KHDRBS2: variants seen among roughly 807,000 people sequenced by gnomAD.
KHDRBS2 encodes KH RNA binding domain containing, signal transduction associated 2.
A neutral mutation model predicts 44.3 loss-of-function variants in KHDRBS2; 26 were observed. That is an observed-to-expected ratio of 0.59 (90% CI 0.43 to 0.81). KHDRBS2 has a LOEUF of 0.81. KHDRBS2 is among the 40% of genes least tolerant of loss of function. The probability of loss-of-function intolerance (pLI) is 0.00; values close to 1 mark genes in which losing one functional copy is unlikely to be tolerated. For synonymous variants in KHDRBS2, 194 were observed against 151.1 expected (o/e 1.28, Z -2.08); for missense variants, 476 against 433.1 (o/e 1.10, Z -0.88).
intron 4 of KHDRBS2, among the ~76,000 whole-genome samples, chr6:61,967,932 G>GTATATATATATATATATA (rs369326330): frequency 8.5e-6 from 1 of 117,014 alleles, no homozygotes; most frequent in African/African-American, 3.4e-5. Flanking sequence ...ATACACACAC[G>GTATATATATATATATATA]TATATATATA....
chr6:62,228,681 T>C (rs943289783), intron 1 of KHDRBS2, among the ~76,000 whole-genome samples: 1 of 152,152 alleles, frequency 6.6e-6, no homozygotes, highest in Admixed American at 6.5e-5. Context: ...TGCTATAAAT[T>C]TCCCTCCTAA....
the KHDRBS2 span, among the ~76,000 whole-genome samples, chr6:61,555,478 C>A: frequency 2.0e-5 from 3 of 152,086 alleles, no homozygotes; most frequent in South Asian, 2.1e-4. Context: ...GATCTTCATT[C>A]CTTTCTATCT....
At chr6:61,823,590 A>G (rs1790357187) in intron 6 of KHDRBS2, among the ~76,000 whole-genome samples, 1 of 152,086 alleles carries the variant, frequency 6.6e-6, no homozygotes, top group Non-Finnish European at 1.5e-5. Flanking sequence ...ACTCATTATA[A>G]CAAATCAGTT....
intron 5 of KHDRBS2, among the ~76,000 whole-genome samples, chr6:61,900,501 A>G (rs906837512): frequency 6.6e-6 from 1 of 152,180 alleles, no homozygotes; most frequent in Non-Finnish European, 1.5e-5. Context: ...TTTCAAACCA[A>G]TGCCTTCTAT....
chr6:61,576,143 G>A, the KHDRBS2 span, among the ~76,000 whole-genome samples: 1 of 151,748 alleles, frequency 6.6e-6, no homozygotes, highest in Non-Finnish European at 1.5e-5. Context: ...ATTTTGATAG[G>A]GATTGCATTG....
chr6:62,154,920 T>C (rs1816031695), intron 2 of KHDRBS2, among the ~76,000 whole-genome samples: 1 of 152,198 alleles, frequency 6.6e-6, no homozygotes, highest in African/African-American at 2.4e-5. Flanking sequence ...AAAATTGTCA[T>C]GAAGACTGAA....
At chr6:61,869,442 A>C (rs548731075) in intron 6 of KHDRBS2, among the ~76,000 whole-genome samples, 1 of 152,324 alleles carries the variant, frequency 6.6e-6, no homozygotes, top group South Asian at 2.1e-4. Flanking sequence ...AAAAACTGAG[A>C]GACTTACTAT....
At chr6:61,966,177 TAATG>T (rs1460724591) in intron 4 of KHDRBS2, among the ~76,000 whole-genome samples, 5 of 152,014 alleles carry the variant, frequency 3.3e-5, no homozygotes, top group Non-Finnish European at 7.4e-5. Flanking sequence ...CACTGAAAGG[TAATG>T]AATTACAGTT....
intron 2 of KHDRBS2, among the ~76,000 whole-genome samples, chr6:62,066,042 T>C (rs9294767): frequency 0.51 from 77,050 of 151,444 alleles, 20,012 homozygotes; most frequent in Non-Finnish European, 0.55. Context: ...CTTAAATGTA[T>C]TCAAAGACAC....
chr6:61,552,894 G>A, the KHDRBS2 span, among the ~76,000 whole-genome samples: 1 of 152,034 alleles, frequency 6.6e-6, no homozygotes. Context: ...GCTCAATTTG[G>A]TTTGCTAATA....
At chr6:62,073,964 G>A (rs1795828801) in intron 2 of KHDRBS2, among the ~76,000 whole-genome samples, 1 of 151,768 alleles carries the variant, frequency 6.6e-6, no homozygotes, top group South Asian at 2.1e-4. Flanking sequence ...CACCAGAACT[G>A]AGTGGGGATC....
chr6:61,920,703 C>T (rs1349264502), intron 4 of KHDRBS2, among the ~76,000 whole-genome samples: 1 of 152,014 alleles, frequency 6.6e-6, no homozygotes, highest in South Asian at 2.1e-4. Context: ...AGAAGCTATT[C>T]TTGACTGAGT....
At chr6:62,052,308 C>T (rs187013420) in intron 2 of KHDRBS2, among the ~76,000 whole-genome samples, 77 of 151,770 alleles carry the variant, frequency 5.1e-4, no homozygotes, top group Admixed American at 1.9e-3. Flanking sequence ...ACAATGAGAC[C>T]TTGCCATTTT....
chr6:62,145,109 T>A (rs1341892994), intron 2 of KHDRBS2, among the ~76,000 whole-genome samples: 1 of 151,980 alleles, frequency 6.6e-6, no homozygotes, highest in Non-Finnish European at 1.5e-5. Context: ...ATAAAACTCT[T>A]TTCTTTATAA....
the KHDRBS2 span, among the ~76,000 whole-genome samples, chr6:61,599,935 GAC>G: frequency 2.0e-5 from 3 of 152,132 alleles, no homozygotes; most frequent in Admixed American, 2.0e-4. Context: ...TACGACAAAT[GAC>G]ACAGAAAGAG....
At chr6:61,920,430 G>A (rs1807860979) in intron 4 of KHDRBS2, among the ~76,000 whole-genome samples, 1 of 151,858 alleles carries the variant, frequency 6.6e-6, no homozygotes, top group African/African-American at 2.4e-5. Flanking sequence ...TCCCCAGGGG[G>A]ATTACAGAAT....
chr6:62,002,918 C>A (rs1394900137), intron 3 of KHDRBS2, among the ~76,000 whole-genome samples: 1 of 151,896 alleles, frequency 6.6e-6, no homozygotes, highest in East Asian at 1.9e-4. Flanking sequence ...AAAACTGAGA[C>A]AATTAAAATT....
the KHDRBS2 span, among the ~76,000 whole-genome samples, chr6:61,666,676 C>T: frequency 1.3e-5 from 2 of 151,290 alleles, no homozygotes; most frequent in African/African-American, 4.8e-5. Flanking sequence ...AAATATGTTG[C>T]TTTTATATTG....
the KHDRBS2 span, among the ~76,000 whole-genome samples, chr6:61,592,640 A>G: frequency 6.6e-6 from 1 of 152,222 alleles, no homozygotes; most frequent in African/African-American, 2.4e-5. Flanking sequence ...TAGCTAACTC[A>G]AAATATTTCA....
Sources: gnomAD v4.1 joint callset for allele counts (sites outside exome capture counted in the v4.1 genomes callset) on GRCh38, gnomAD v4.1.1 for gene constraint, MANE v1.5 for transcripts, NCBI Gene and HGNC (gene_info 2026-07-23, HGNC 2026-07-21) for gene names.